The following AP5S1 variants were observed in gnomAD, a reference collection of about 807,000 sequenced individuals.
The protein encoded by AP5S1 is AP-5 complex subunit sigma-1.
AP5S1 carries 13 observed loss-of-function variants against 13.9 expected under a neutral mutation model. That is an observed-to-expected ratio of 0.94 (90% CI 0.61 to 1.49). AP5S1 has a LOEUF of 1.49. Ranked by LOEUF, AP5S1 falls within the 40% of genes most tolerant of loss-of-function variation. The pLI, the probability that AP5S1 is intolerant of heterozygous loss-of-function variation, is 0.00. For missense variants in AP5S1, 292 were observed against 272.3 expected (o/e 1.07, Z -0.51); for synonymous variants, 132 against 121.8 (o/e 1.08, Z -0.55).
In AP5S1 at chr20:3,822,193, T is replaced by C; in HGVS notation, c.76T>C (p.Ser26Pro). ...EDTGLCRVLY[S>P]CVFGAEKSPD... Reference sequence around the variant, plus strand: ...CACGGGCCTTTGCCGAGTGCTGTACTCCTGCGTCTTCGGTGCTGAGAAGTC... The same window carrying C: ...CACGGGCCTTTGCCGAGTGCTGTACCCCTGCGTCTTCGGTGCTGAGAAGTC... The change falls in exon 2 of 3, where the codon TCC becomes CCC. Residue 26 changes from serine to proline, a missense_variant. By Grantham distance (74) the Ser-to-Pro change is moderately conservative (BLOSUM62 -1). Coordinates refer to ENST00000615891, the MANE Select transcript of AP5S1 (RefSeq NM_018347.3). The C allele has an allele frequency of 6.2e-7, 1 of 1,614,226 alleles. No homozygotes were observed. The highest frequency in any genetic ancestry group is 8.5e-7 in the Non-Finnish European group (1 of 1,180,052).
At chr20:3,820,890 T>C (rs1356521809) in intron 1 of AP5S1, 132 bp downstream of exon 1, 3 of 152,224 alleles carry the variant, frequency 2.0e-5, no homozygotes, top group Non-Finnish European at 2.9e-5. Context: ...GTTCTCGAAG[T>C]GCCTTTGCGA....
Position 3,824,625 on chromosome 20 carries a change from C to G in AP5S1, c.*328C>G, listed in dbSNP as rs936934504. On this transcript the variant is annotated 3_prime_UTR_variant, in exon 3 of 3. Coordinates refer to ENST00000615891, the MANE Select transcript of AP5S1 (RefSeq NM_018347.3). ...GTGAGGAGCTGCCTGGAGCTCACCC[C>G]GCTCTTCTTCCAAACCCACAGTCAA... The G allele has an allele frequency of 3.1e-6, 1 of 322,584 alleles. No homozygotes were observed. Among genetic ancestry groups the G allele is most frequent in the Admixed American group, 4.7e-5 (1 of 21,352 alleles). 20.0% of individuals were successfully genotyped at this position (322,584 alleles called of 1,614,324 possible).
chr20:3,824,490 CAG>C lies in AP5S1; in HGVS notation c.*195_*196del. ...GCCTGTCCTCAGGTTAGTGGAACCA[CAG>C]AACTTCCTGAGCCTAGAGCTGCTGT... On this transcript the variant is annotated 3_prime_UTR_variant, in exon 3 of 3. Transcript: ENST00000615891. The C allele has an allele frequency of 1.6e-6, 1 of 625,078 alleles. No homozygotes were observed. Among genetic ancestry groups the C allele is most frequent in the Non-Finnish European group, 2.8e-6 (1 of 361,894 alleles). The allele number at this position is 625,078 out of a possible 1,614,324, so 38.7% of individuals were successfully genotyped here.
rs894780399 is a variant in AP5S1 at position 3,823,029 on chromosome 20, A to C, written c.176+736A>C. ...CTCCTGCCTTTCCCTTGTTCTTCTT[A>C]TTCTCCTTCCCCTCCCTGTAGCTCA... On this transcript the variant is annotated intron_variant, in intron 2 of 2. Transcript: ENST00000615891. Among the ~76,000 whole-genome samples, 13 of 151,614 alleles carry C rather than the reference A, an allele frequency of 8.6e-5. No individual in the cohort carries two copies. The East Asian group carries it at 2.1e-3, about 25-fold the overall frequency.
At position 3,824,414 on chromosome 20, in the gene AP5S1, G is replaced by A; in HGVS notation, c.*117G>A. ...ATGTGCTGCTATACCAGGACAAGTG[G>A]GTGACACAAGCCTGCAGAAAGGGGG... On this transcript the variant is annotated 3_prime_UTR_variant, in exon 3 of 3. Coordinates refer to ENST00000615891, the MANE Select transcript of AP5S1 (RefSeq NM_018347.3). 9.3e-7 allele frequency: 1 copy of A among 1,076,284 alleles called. No individual in the cohort carries two copies. Among genetic ancestry groups the A allele is most frequent in the Non-Finnish European group, 1.3e-6 (1 of 755,068 alleles). 66.7% of individuals were successfully genotyped at this position (1,076,284 alleles called of 1,614,324 possible). A position where few individuals can be genotyped will look rare whatever the true frequency, so the allele number is the denominator to read the frequency against.
At chr20:3,822,845 A>G (rs921242124) in intron 2 of AP5S1, among the ~76,000 whole-genome samples, 4 of 152,228 alleles carry the variant, frequency 2.6e-5, no homozygotes, top group African/African-American at 9.6e-5. Flanking sequence ...CCAGAAAGCC[A>G]GGGATCCAGA....
chr20:3,824,467 C>T lies in AP5S1; in HGVS notation c.*170C>T, dbSNP rs111623642. 2.9e-6 allele frequency: 2 copies of T among 687,604 alleles called. No homozygotes were observed. Among genetic ancestry groups the T allele is most frequent in the African/African-American group, 1.8e-5 (1 of 55,314 alleles). The allele number at this position is 687,604 out of a possible 1,614,324, so 42.6% of individuals were successfully genotyped here. A position where few individuals can be genotyped will look rare whatever the true frequency, so the allele number is the denominator to read the frequency against. ...GGGCAGAGGGTGGAGGAGGTCCTGC[C>T]TGTCCTCAGGTTAGTGGAACCACAG... is the stretch of plus-strand genomic sequence containing the variant. On this transcript the variant is annotated 3_prime_UTR_variant, in exon 3 of 3. Coordinates refer to ENST00000615891, the MANE Select transcript of AP5S1 (RefSeq NM_018347.3).
intron 2 of AP5S1, chr20:3,823,614 T>C: frequency 1.0e-6 from 1 of 985,408 alleles, no homozygotes; most frequent in South Asian, 4.7e-5. Context: ...CAGGATCTTC[T>C]TCCTCTGGTG....
chr20:3,828,143 C>T lies in AP5S1; in HGVS notation c.*3846C>T, dbSNP rs1600429636. The T allele has an allele frequency of 6.6e-6, 1 of 152,272 alleles. No individual in the cohort carries two copies. Among genetic ancestry groups the T allele is most frequent in the East Asian group, 1.9e-4 (1 of 5,194 alleles). 9.4% of individuals were successfully genotyped at this position (152,272 alleles called of 1,614,324 possible). The stretch of plus-strand genomic sequence containing the variant: ...GTTTGTCAGATTCAATACTCTGTGA[C>T]CCGTTAACCAAGTCTCTGTATGTTT... On this transcript the variant is annotated 3_prime_UTR_variant, in exon 3 of 3. Coordinates refer to ENST00000615891, the MANE Select transcript of AP5S1 (RefSeq NM_018347.3).
In AP5S1 at chr20:3,824,900, C is replaced by G. The variant is rs978617376; in HGVS notation, c.*603C>G. 2 of 146,696 alleles carry G rather than the reference C, an allele frequency of 1.4e-5. No individual in the cohort carries two copies. Among genetic ancestry groups the G allele is most frequent in the African/African-American group, 2.6e-5 (1 of 38,068 alleles). The allele number at this position is 146,696 out of a possible 1,614,324, so 9.1% of individuals were successfully genotyped here. A position where few individuals can be genotyped will look rare whatever the true frequency, so the allele number is the denominator to read the frequency against. The stretch of plus-strand genomic sequence containing the variant: ...TGAGCCGAGAGTGCGCCACTTCACT[C>G]CAGCCTGGGCAACAGAGTGAGACTC... On this transcript the variant is annotated 3_prime_UTR_variant, in exon 3 of 3. Coordinates refer to ENST00000615891, the MANE Select transcript of AP5S1 (RefSeq NM_018347.3).
In AP5S1 at chr20:3,821,844, ATTT is replaced by A. The variant is rs869216838; in HGVS notation, c.-16-252_-16-250del. 4.5e-6 allele frequency: 4 copies of A among 895,174 alleles called. No homozygotes were observed. In the African/African-American group the frequency reaches 7.9e-5, roughly 18 times the overall value. 55.5% of individuals were successfully genotyped at this position (895,174 alleles called of 1,614,324 possible). A position where few individuals can be genotyped will look rare whatever the true frequency, so the allele number is the denominator to read the frequency against. ...AGAACTAGGTTTAGGGTGGTCTGAG[ATTT>A]TTTTTGTTTGTTTGTTTGTTTTTCT... On this transcript the variant is annotated intron_variant, in intron 1 of 2. Transcript: ENST00000615891.
chr20:3,822,135 C>T lies in AP5S1; in HGVS notation c.18C>T (p.Leu6=), dbSNP rs2146729880. The change falls in exon 2 of 3, where the codon CTC becomes CTT. Residue 6 remains leucine, a synonymous_variant. Coordinates refer to ENST00000615891, the MANE Select transcript of AP5S1 (RefSeq NM_018347.3). MVHAF[L]IHTLRAPNTE... ...CTGGAGCCATGGTCCACGCCTTCCTCATTCACACCTTGAGGGCCCCGAATA... is the reference window on the plus strand; with the variant it reads ...CTGGAGCCATGGTCCACGCCTTCCTTATTCACACCTTGAGGGCCCCGAATA... The T allele has an allele frequency of 6.2e-7, 1 of 1,614,030 alleles. No homozygotes were observed. The highest frequency in any genetic ancestry group is 8.5e-7 in the Non-Finnish European group (1 of 1,179,998).
Position 3,827,466 on chromosome 20 carries a change from T to C in AP5S1, c.*3169T>C, listed in dbSNP as rs914847766. On this transcript the variant is annotated 3_prime_UTR_variant, in exon 3 of 3. Transcript: ENST00000615891. The stretch of plus-strand genomic sequence containing the variant: ...TTAGTAGAGACGGGGTTTCACCGTG[T>C]TAGCCAGGTTGGTCTACATCTCCTG... 6.6e-6 allele frequency: 1 copy of C among 152,214 alleles called. No individual in the cohort carries two copies. The highest frequency in any genetic ancestry group is 2.4e-5 in the African/African-American group (1 of 41,446). 9.4% of individuals were successfully genotyped at this position (152,214 alleles called of 1,614,324 possible).
rs992311814 is a variant in AP5S1 at position 3,825,862 on chromosome 20, C to G, written c.*1565C>G. ...GGCAATGTGGAGCTGGGCCTGCCTG[C>G]ACCATGTTGAGTCCCAAAGGGATAT... On this transcript the variant is annotated 3_prime_UTR_variant, in exon 3 of 3. Transcript: ENST00000615891. 4.0e-5 allele frequency: 6 copies of G among 150,738 alleles called. No homozygotes were observed. Among genetic ancestry groups the G allele is most frequent in the African/African-American group, 1.2e-4 (5 of 40,882 alleles). The allele number at this position is 150,738 out of a possible 1,614,324, so 9.3% of individuals were successfully genotyped here. A position where few individuals can be genotyped will look rare whatever the true frequency, so the allele number is the denominator to read the frequency against.
intron 1 of AP5S1, 31 bp from the exon 2 acceptor site, chr20:3,822,061 GGTTCACTCTC>G (rs1184904488): frequency 1.3e-6 from 2 of 1,587,238 alleles, no homozygotes; most frequent in African/African-American, 2.7e-5. Flanking sequence ...CTCCTGCTGG[GGTTCACTCTC>G]ACCTTACCAA....
In AP5S1 at chr20:3,825,295, T is replaced by TG. The variant is rs2089617984; in HGVS notation, c.*999dup. ...TTTTGAATTAAAAGCACTGGCTGTG[T>TG]GATTTTACCCTCTTTCTGTGAGTTT... is the stretch of plus-strand genomic sequence containing the variant. On this transcript the variant is annotated 3_prime_UTR_variant, in exon 3 of 3. Transcript: ENST00000615891. 1 of 152,290 alleles carries TG rather than the reference T, an allele frequency of 6.6e-6. No individual in the cohort carries two copies. Among genetic ancestry groups the TG allele is most frequent in the Admixed American group, 6.5e-5 (1 of 15,276 alleles). The allele number at this position is 152,290 out of a possible 1,614,324, so 9.4% of individuals were successfully genotyped here.
rs371588969 is a variant in AP5S1 at position 3,823,959 on chromosome 20, C to A, written c.265C>A (p.Pro89Thr). ...GCCGCAATCCTCAGATGAGCAAGTG[C>A]CGCTGCACGAGGCCCCACGTGGGGC... The part of the protein sequence containing the change: ...LQPQSSDEQV[P>T]LHEAPRGAFR... The change falls in exon 3 of 3, where the codon CCG becomes ACG. Residue 89 changes from proline to threonine, a missense_variant. Coordinates refer to ENST00000615891, the MANE Select transcript of AP5S1 (RefSeq NM_018347.3). 6.2e-7 allele frequency: 1 copy of A among 1,609,646 alleles called. No individual in the cohort carries two copies. The highest frequency in any genetic ancestry group is 8.5e-7 in the Non-Finnish European group (1 of 1,180,012).
Position 3,823,969 on chromosome 20 carries a change from A to G in AP5S1, c.275A>G (p.Glu92Gly). ...TCAGATGAGCAAGTGCCGCTGCACG[A>G]GGCCCCACGTGGGGCTTTCCGCCTG... is the stretch of plus-strand genomic sequence containing the variant. ...QSSDEQVPLH[E>G]APRGAFRLAA... is the part of the protein sequence containing the mutation. The change falls in exon 3 of 3, where the codon GAG (glutamate) becomes GGG (glycine). Residue 92 changes from glutamate (E) to glycine (G), a missense_variant. By Grantham distance (98) the Glu-to-Gly change is moderately conservative. Coordinates refer to ENST00000615891, the MANE Select transcript of AP5S1 (RefSeq NM_018347.3). The G allele has an allele frequency of 1.2e-6, 2 of 1,611,156 alleles. No homozygotes were observed. The highest frequency in any genetic ancestry group is 1.7e-6 in the Non-Finnish European group (2 of 1,180,010).
chr20:3,824,419 C>G lies in AP5S1; in HGVS notation c.*122C>G. On this transcript the variant is annotated 3_prime_UTR_variant, in exon 3 of 3. Transcript: ENST00000615891. ...CTGCTATACCAGGACAAGTGGGTGA[C>G]ACAAGCCTGCAGAAAGGGGGCTGGG... The G allele has an allele frequency of 2.9e-6, 3 of 1,017,320 alleles. No homozygotes were observed. The highest frequency in any genetic ancestry group is 4.3e-6 in the Non-Finnish European group (3 of 705,614). The allele number at this position is 1,017,320 out of a possible 1,614,324, so 63.0% of individuals were successfully genotyped here.
Sources: allele counts gnomAD v4.1 joint callset (sites outside exome capture counted in the v4.1 genomes callset), GRCh38; gene constraint gnomAD v4.1.1; transcripts MANE v1.5; gene names NCBI Gene and HGNC (gene_info 2026-07-23, HGNC 2026-07-21).